SFRP1: variants seen among roughly 807,000 people sequenced by gnomAD.
SFRP1 encodes the protein secreted frizzled-related protein 1.
A neutral mutation model predicts 25.9 loss-of-function variants in SFRP1; 9 were observed. The observed-to-expected ratio is 0.35, with a 90% CI of 0.21 to 0.61. The LOEUF is 0.61. SFRP1 is among the 20% of genes least tolerant of loss of function. The pLI is 0.78. For synonymous variants in SFRP1, 178 were observed against 174.0 expected, an observed-to-expected ratio of 1.02 and a Z score of -0.18; for missense variants, 346 against 418.2, an observed-to-expected ratio of 0.83 and a Z score of 1.51.
intron 2 of SFRP1, among the ~76,000 whole-genome samples, chr8:41,294,062 GCAGGAA>G (rs1803810641): frequency 6.6e-6 from 1 of 152,064 alleles, no homozygotes; most frequent in African/African-American, 2.4e-5. Context: ...TGTGTCGAGG[GCAGGAA>G]CAGGGTCCTC....
At chr8:41,301,448 G>GA (rs141869268) in intron 2 of SFRP1, among the ~76,000 whole-genome samples, 65,277 of 151,022 alleles carry the variant, frequency 0.43, 14,607 homozygotes, top group Middle Eastern at 0.58. Flanking sequence ...CAGAGAGAGA[G>GA]AAAAAAAAAT....
chr8:41,305,158 T>G (rs1803977402), intron 1 of SFRP1, among the ~76,000 whole-genome samples: 1 of 152,134 alleles, frequency 6.6e-6, no homozygotes, highest in African/African-American at 2.4e-5. Flanking sequence ...TTTTCCTTGT[T>G]TAGGTTATTT....
intron 1 of SFRP1, among the ~76,000 whole-genome samples, chr8:41,307,689 T>C (rs1585524680): frequency 6.6e-6 from 1 of 152,230 alleles, no homozygotes; most frequent in Non-Finnish European, 1.5e-5. Context: ...GTGTATATTT[T>C]ATCTTTATAT....
intron 2 of SFRP1, among the ~76,000 whole-genome samples, chr8:41,293,322 C>T (rs1401827454): frequency 1.3e-5 from 2 of 152,258 alleles, no homozygotes; most frequent in African/African-American, 4.8e-5. Context: ...GCAGCTCCCC[C>T]TCCCATGCCT....
chr8:41,305,774 A>T (rs1259865966), intron 1 of SFRP1, among the ~76,000 whole-genome samples: 2 of 152,240 alleles, frequency 1.3e-5, no homozygotes, highest in Non-Finnish European at 2.9e-5. Context: ...TTTTTGTGAT[A>T]CATCAATCCA....
In SFRP1 at chr8:41,309,016, G is replaced by A. The variant is rs1361112685; in HGVS notation, c.144C>T (p.Ser48=). The change falls in exon 1 of 3, where the codon AGC becomes AGT. Residue 48 remains serine (S), a synonymous_variant. Transcript: ENST00000220772. ...GAGGTGGCTTGGTGTAGAAGCGCCCGCTCTGGTACGGGCCGATGTCCGACT... is the reference window on the plus strand; with the variant it reads ...GAGGTGGCTTGGTGTAGAAGCGCCCACTCTGGTACGGGCCGATGTCCGACT... The part of the protein sequence containing the change: ...SFQSDIGPYQ[S]GRFYTKPPQC... 3 of 1,611,112 alleles carry A rather than the reference G, an allele frequency of 1.9e-6. No homozygotes were observed. Among genetic ancestry groups the A allele is most frequent in the Non-Finnish European group, 2.5e-6 (3 of 1,179,912 alleles).
At chr8:41,277,694 C>G (rs994390527) in intron 2 of SFRP1, among the ~76,000 whole-genome samples, 11 of 152,190 alleles carry the variant, frequency 7.2e-5, no homozygotes, top group African/African-American at 2.7e-4. Context: ...CAGCTCACTG[C>G]AGCCTTGAAC....
rs1263021488 is a variant in SFRP1 at position 41,309,462 on chromosome 8, GCT to G, written c.-305_-304del. 1 of 153,738 alleles carries G rather than the reference GCT, an allele frequency of 6.5e-6. No homozygotes were observed. The highest frequency in any genetic ancestry group is 1.4e-5 in the Non-Finnish European group (1 of 69,190). The allele number at this position is 153,738 out of a possible 1,614,324, so 9.5% of individuals were successfully genotyped here. ...CGGCACTGACTCCGGAGGCTGCAGG[GCT>G]GGAGTGCGCGGGGCTCCTACGGCCG... is the stretch of plus-strand genomic sequence containing the variant. On this transcript the variant is annotated 5_prime_UTR_variant, in exon 1 of 3. Coordinates refer to ENST00000220772, the MANE Select transcript of SFRP1 (RefSeq NM_003012.5).
chr8:41,285,159 C>A (rs1401349205), intron 2 of SFRP1, among the ~76,000 whole-genome samples: 1 of 152,178 alleles, frequency 6.6e-6, no homozygotes, highest in East Asian at 1.9e-4. Context: ...TGTTAAAGCA[C>A]AATGGGATTT....
At chr8:41,292,375 G>C (rs570004262) in intron 2 of SFRP1, among the ~76,000 whole-genome samples, 1 of 152,128 alleles carries the variant, frequency 6.6e-6, no homozygotes, top group South Asian at 2.1e-4. Flanking sequence ...CTGTTCTCAC[G>C]AGAGTGAGTT....
At chr8:41,294,492 T>C (rs1803816446) in intron 2 of SFRP1, among the ~76,000 whole-genome samples, 1 of 152,062 alleles carries the variant, frequency 6.6e-6, no homozygotes, top group African/African-American at 2.4e-5. Context: ...AGAAAGAACA[T>C]CATTTAGGGA....
chr8:41,309,333 G>A lies in SFRP1; in HGVS notation c.-174C>T, dbSNP rs1804043372. 8 of 717,794 alleles carry A rather than the reference G, an allele frequency of 1.1e-5. No individual in the cohort carries two copies. The allele number at this position is 717,794 out of a possible 1,614,324, so 44.5% of individuals were successfully genotyped here. A position where few individuals can be genotyped will look rare whatever the true frequency, so the allele number is the denominator to read the frequency against. Reference sequence around the variant, plus strand: ...TCCCCCCGGCCAGTGGCGGCCCTCGGCCTGCGGTCGGAGGCGGCGCGGGCG... The same window carrying A: ...TCCCCCCGGCCAGTGGCGGCCCTCGACCTGCGGTCGGAGGCGGCGCGGGCG... On this transcript the variant is annotated 5_prime_UTR_variant, in exon 1 of 3. Transcript: ENST00000220772.
chr8:41,285,436 A>C (rs1803687044), intron 2 of SFRP1, among the ~76,000 whole-genome samples: 1 of 152,214 alleles, frequency 6.6e-6, no homozygotes, highest in Admixed American at 6.5e-5. Flanking sequence ...CCACAAATGC[A>C]AGCAAGCCAC....
In SFRP1 at chr8:41,269,451, T is replaced by A. The variant is rs190968529; in HGVS notation, c.623-3962A>T. 2.6e-5 allele frequency among the ~76,000 whole-genome samples: 4 copies of A among 152,224 alleles called. No individual in the cohort carries two copies. The East Asian group carries it at 7.7e-4, about 29-fold the overall frequency. On this transcript the variant is annotated intron_variant, in intron 2 of 2. Transcript: ENST00000220772. ...CTTAAAATAATCCATTATATTTGAG[T>A]AGGCCATTAAGCTTTCATTCTACTT...
intron 2 of SFRP1, among the ~76,000 whole-genome samples, chr8:41,286,509 G>A (rs922189022): frequency 2.6e-5 from 4 of 152,066 alleles, no homozygotes; most frequent in African/African-American, 4.8e-5. Flanking sequence ...CGGGGCGGGG[G>A]GAGGGGGTTC....
rs1391816009 is a variant in SFRP1, at chr8:41,264,282, G to C, written c.*885C>G. On this transcript the variant is annotated 3_prime_UTR_variant, in exon 3 of 3. Transcript: ENST00000220772. ...TTCACCCAATTTCACAATTCACCCT[G>C]ACTAGCAATTTGCTGGACTGTTCTA... is the stretch of plus-strand genomic sequence containing the variant. The C allele has an allele frequency of 2.6e-5, 4 of 152,350 alleles. No individual in the cohort carries two copies. In the East Asian group the frequency reaches 7.7e-4, roughly 29 times the overall value. The allele number at this position is 152,350 out of a possible 1,614,324, so 9.4% of individuals were successfully genotyped here.
intron 1 of SFRP1, among the ~76,000 whole-genome samples, chr8:41,304,897 T>C (rs1803974312): frequency 6.6e-6 from 1 of 152,006 alleles, no homozygotes; most frequent in African/African-American, 2.4e-5. Flanking sequence ...GCAAACACCT[T>C]CCAGATTCTC....
intron 2 of SFRP1, among the ~76,000 whole-genome samples, chr8:41,289,040 C>T (rs1803743726): frequency 1.3e-5 from 2 of 152,156 alleles, no homozygotes; most frequent in Admixed American, 1.3e-4. Flanking sequence ...TCCAATGCAC[C>T]CCCAACTCAA....
chr8:41,300,489 T>C (rs1803901021), intron 2 of SFRP1, among the ~76,000 whole-genome samples: 1 of 152,112 alleles, frequency 6.6e-6, no homozygotes, highest in Non-Finnish European at 1.5e-5. Flanking sequence ...CAGAAGTGTA[T>C]CACCATGCAA....
Sources: allele counts gnomAD v4.1 joint callset (sites outside exome capture counted in the v4.1 genomes callset), GRCh38; gene constraint gnomAD v4.1.1; transcripts MANE v1.5; gene names NCBI Gene and HGNC (gene_info 2026-07-23, HGNC 2026-07-21).